The following MYO18A variants were observed in gnomAD, a reference collection of about 807,000 sequenced individuals.
The protein encoded by MYO18A is myosin XVIIIA.
Under a neutral mutation model 235.8 loss-of-function variants are expected in MYO18A, and 78 were observed. The ratio of observed to expected loss-of-function variants is 0.33; its 90% CI spans 0.28 to 0.40. The LOEUF (loss-of-function observed/expected upper bound fraction) is 0.40, where lower values mean the gene tolerates loss of function less well. MYO18A is among the 10% of genes least tolerant of loss of function. The pLI is 1.00. For synonymous variants in MYO18A, 977 were observed against 1,077.8 expected (o/e 0.91, Z 1.83); for missense variants, 2,215 against 2,699.3 (o/e 0.82, Z 3.98).
intron 26 of MYO18A, 87 bp from the exon 27 acceptor site, chr17:29,097,437 C>A: frequency 6.5e-7 from 1 of 1,542,536 alleles, no homozygotes. Flanking sequence ...GCAGGGGGAG[C>A]AGCAGGTGGA....
At chr17:29,163,860 C>G (rs1598394537) in intron 2 of MYO18A, among the ~76,000 whole-genome samples, 1 of 152,210 alleles carries the variant, frequency 6.6e-6, no homozygotes, top group African/African-American at 2.4e-5. Context: ...TGGAAGAACG[C>G]AGACAGGCAT....
chr17:29,177,577 G>C (rs1446950673), intron 1 of MYO18A, among the ~76,000 whole-genome samples: 4 of 152,114 alleles, frequency 2.6e-5, no homozygotes, highest in Non-Finnish European at 5.9e-5. Context: ...GGAAGAAATG[G>C]TGATGGGGTG....
chr17:29,119,519 A>C, intron 7 of MYO18A, 84 bp from the exon 8 acceptor site: 5 of 910,526 alleles, frequency 5.5e-6, no homozygotes, highest in East Asian at 2.8e-5. Context: ...AATCAAACAC[A>C]TGGTCCTCTA....
chr17:29,129,859 G>A (rs2067420511), intron 2 of MYO18A, among the ~76,000 whole-genome samples: 1 of 152,220 alleles, frequency 6.6e-6, no homozygotes, highest in Non-Finnish European at 1.5e-5. Flanking sequence ...GGGCTTGAAG[G>A]TGCCTCTTCC....
intron 41 of MYO18A, chr17:29,080,847 A>AGGGGAGGCCGCCCGCTCGCTC: frequency 1.0e-6 from 1 of 985,220 alleles, no homozygotes; most frequent in Non-Finnish European, 1.2e-6. Flanking sequence ...GGGGCCTCTC[A>AGGGGAGGCCGCCCGCTCGCTC]GGGGAGGCCG....
chr17:29,132,808 A>G (rs2067502744), intron 2 of MYO18A, among the ~76,000 whole-genome samples: 1 of 152,176 alleles, frequency 6.6e-6, no homozygotes, highest in Admixed American at 6.5e-5. Context: ...CTTCTTTAAG[A>G]ATTGGAATCG....
At chr17:29,138,960 G>T (rs1412833062) in intron 2 of MYO18A, among the ~76,000 whole-genome samples, 1 of 152,192 alleles carries the variant, frequency 6.6e-6, no homozygotes. Flanking sequence ...TATGCTTTAC[G>T]TGGAACTGCT....
At position 29,099,640 on chromosome 17, in the gene MYO18A, C is replaced by T; in HGVS notation, c.3630G>A (p.Lys1210=). ...RGYLARQHFK[K]RKIQDLAIRC... Reference sequence around the variant, plus strand: ...GATGTCTCTAGAGCAGCACCTTTCTCTTCTTGAAGTGCTGGCGGGCCAGGT... The same window carrying T: ...GATGTCTCTAGAGCAGCACCTTTCTTTTCTTGAAGTGCTGGCGGGCCAGGT... The change falls in exon 22 of 42, where the codon AAG becomes AAA. Residue 1210 remains lysine (K), a synonymous_variant. Coordinates refer to ENST00000527372, the MANE Select transcript of MYO18A (RefSeq NM_078471.4). The T allele has an allele frequency of 6.2e-7, 1 of 1,613,552 alleles. No homozygotes were observed. Among genetic ancestry groups the T allele is most frequent in the Non-Finnish European group, 8.5e-7 (1 of 1,179,648 alleles).
At position 29,111,600 on chromosome 17, in the gene MYO18A, C is replaced by T. The variant is rs200696307; in HGVS notation, c.2741-17G>A. On this transcript the variant is annotated splice_polypyrimidine_tract_variant and intron_variant, in intron 16 of 41. Coordinates refer to ENST00000527372, the MANE Select transcript of MYO18A (RefSeq NM_078471.4). This position sits in a 1 kb window ranked among gnomAD's most constrained non-coding sequence, Gnocchi z 5.1. ...GGCTTTGGCCTGATGGTGGGAGAAG[C>T]AAGATTTAGGTCGTCAGGGTACAGG... is the stretch of plus-strand genomic sequence containing the variant. 1.4e-4 allele frequency: 223 copies of T among 1,613,724 alleles called. No homozygotes were observed. The highest frequency in any genetic ancestry group is 2.3e-4 in the Admixed American group (14 of 59,992).
chr17:29,106,026 G>T lies in MYO18A; in HGVS notation c.3441+1054C>A, dbSNP rs569272276. Reference sequence around the variant, plus strand: ...CATGGAAAAGGAGACAATTCACAGAGAAATGGAGTGTGATCCAGAAAGAGA... The same window carrying T: ...CATGGAAAAGGAGACAATTCACAGATAAATGGAGTGTGATCCAGAAAGAGA... On this transcript the variant is annotated intron_variant, in intron 20 of 41. Transcript: ENST00000527372. The surrounding 1 kb of genome is among the most constrained non-coding windows in gnomAD (Gnocchi z 4.6). 6.6e-6 allele frequency among the ~76,000 whole-genome samples: 1 copy of T among 152,250 alleles called. No homozygotes were observed. The highest frequency in any genetic ancestry group is 3.4e-3 in the Middle Eastern group (1 of 294).
At chr17:29,096,364 C>T (rs932211444) in intron 28 of MYO18A, among the ~76,000 whole-genome samples, 6 of 152,176 alleles carry the variant, frequency 3.9e-5, no homozygotes, top group African/African-American at 1.4e-4. Flanking sequence ...GGAAGTGGCA[C>T]GGTAGTTTAA....
At chr17:29,107,050 AG>A (rs776267500) in intron 20 of MYO18A, 29 bp downstream of exon 20, 1 of 1,599,900 alleles carries the variant, frequency 6.3e-7, no homozygotes, top group South Asian at 1.1e-5. Flanking sequence ...GCCTGGGCAG[AG>A]GGAGAGCGGT....
chr17:29,131,778 T>G lies in MYO18A; in HGVS notation c.1000-9525A>C, dbSNP rs149160705. ...TACGTGGCAGATGGGAAGATCCAGC[T>G]AATTTAACTCATCCAAACTACAAGA... is the stretch of plus-strand genomic sequence containing the variant. On this transcript the variant is annotated intron_variant, in intron 2 of 41. Coordinates refer to ENST00000527372, the MANE Select transcript of MYO18A (RefSeq NM_078471.4). 2.0e-5 allele frequency among the ~76,000 whole-genome samples: 3 copies of G among 152,340 alleles called. No homozygotes were observed. The East Asian group carries it at 5.8e-4, about 29-fold the overall frequency.
In MYO18A at chr17:29,097,831, G is replaced by A. The variant is rs771883321; in HGVS notation, c.4059C>T (p.Ile1353=). 1 of 1,613,876 alleles carries A rather than the reference G, an allele frequency of 6.2e-7. No homozygotes were observed. The highest frequency in any genetic ancestry group is 1.3e-5 in the African/African-American group (1 of 75,060). The change falls in exon 26 of 42, where the codon ATC becomes ATT. Residue 1353 remains isoleucine, a synonymous_variant. Coordinates refer to ENST00000527372, the MANE Select transcript of MYO18A (RefSeq NM_078471.4). The part of the protein sequence containing the change: ...MEMEVMEARL[I]RAAEINGEVD... Reference sequence around the variant, plus strand: ...CTTCCCCGTTGATCTCCGCTGCCCGGATGAGACGGGCCTCCATCACCTCCA... The same window carrying A: ...CTTCCCCGTTGATCTCCGCTGCCCGAATGAGACGGGCCTCCATCACCTCCA...
At chr17:29,161,055 T>C (rs2068161409) in intron 2 of MYO18A, among the ~76,000 whole-genome samples, 1 of 152,010 alleles carries the variant, frequency 6.6e-6, no homozygotes, top group Non-Finnish European at 1.5e-5. Flanking sequence ...CTGTCTCTAA[T>C]AAAATATACA....
chr17:29,115,108 G>A lies in MYO18A; in HGVS notation c.2319-9C>T. ...GGCTGGACTTGAGAGCCCTGGATAG[G>A]GACAGCCTGGGTCAGAGCCTCGCTG... On this transcript the variant is annotated splice_polypyrimidine_tract_variant and intron_variant, in intron 13 of 41. Transcript: ENST00000527372. 2 of 1,608,258 alleles carry A rather than the reference G, an allele frequency of 1.2e-6. No homozygotes were observed. Among genetic ancestry groups the A allele is most frequent in the African/African-American group, 2.7e-5 (2 of 74,938 alleles).
At chr17:29,108,886 GT>G (rs2152817695) in intron 19 of MYO18A, among the ~76,000 whole-genome samples, 1 of 152,282 alleles carries the variant, frequency 6.6e-6, no homozygotes, top group Non-Finnish European at 1.5e-5. Context: ...GCTTGTTTGA[GT>G]AACGCACATT....
intron 28 of MYO18A, among the ~76,000 whole-genome samples, chr17:29,096,244 A>G (rs191149730): frequency 6.6e-6 from 1 of 152,154 alleles, no homozygotes; most frequent in Admixed American, 6.5e-5. Flanking sequence ...GTTCCTCAGT[A>G]CTGCTAATGA....
rs573168379 is a variant in MYO18A at position 29,086,802 on chromosome 17, C to T, written c.5712+134G>A. The T allele has an allele frequency of 7.1e-5, 85 of 1,204,490 alleles. No homozygotes were observed. In the African/African-American group the frequency reaches 1.1e-3, roughly 16 times the overall value. The allele number at this position is 1,204,490 out of a possible 1,614,324, so 74.6% of individuals were successfully genotyped here. On this transcript the variant is annotated intron_variant, in intron 38 of 41. Transcript: ENST00000527372. ...TCCTGGCCTGCCCTCTTGATATGCT[C>T]CTCCTCCCTCCCATTCTCTGACTCA...
Sources: gnomAD v4.1 joint callset for allele counts (sites outside exome capture counted in the v4.1 genomes callset) on GRCh38, gnomAD v4.1.1 for gene constraint, Gnocchi (gnomAD v3.1) non-coding constraint, MANE v1.5 for transcripts, NCBI Gene and HGNC (gene_info 2026-07-23, HGNC 2026-07-21) for gene names.